INPP5A: variants seen among roughly 807,000 people sequenced by gnomAD.
The protein encoded by INPP5A is 43 kDa inositol polyphosphate 5-phophatase.
Under a neutral mutation model 65.2 loss-of-function variants are expected in INPP5A, and 14 were observed. That is an observed-to-expected ratio of 0.21 (90% confidence interval 0.14 to 0.34). The LOEUF (loss-of-function observed/expected upper bound fraction) is 0.34. Ranked by LOEUF, INPP5A falls within the 10% of genes least tolerant of loss-of-function variation. The pLI is 1.00. For missense variants in INPP5A, 431 were observed against 545.6 expected, an observed-to-expected ratio of 0.79 and a Z score of 2.09; for synonymous variants, 207 against 208.3, an observed-to-expected ratio of 0.99 and a Z score of 0.05.
In INPP5A at chr10:132,546,820, C is replaced by G. The variant is rs146999972; in HGVS notation, c.75+8649C>G. Among the ~76,000 whole-genome samples the G allele has an allele frequency of 1.2e-3, 185 of 152,338 alleles. 2 individuals carry two copies. In the East Asian group the frequency reaches 0.033, roughly 27 times the overall value. On this transcript the variant is annotated intron_variant, in intron 1 of 15. Coordinates refer to ENST00000368594, the MANE Select transcript of INPP5A (RefSeq NM_005539.5). This position sits in a 1 kb window ranked among gnomAD's most constrained non-coding sequence, Gnocchi z 5.7. ...CCTGGCCCTTCCCTCTCGTTTCTGC[C>G]TGGGCCTGCCTGGCTGGTCTTGCCT... is the stretch of plus-strand genomic sequence containing the variant.
intron 9 of INPP5A, among the ~76,000 whole-genome samples, chr10:132,745,923 C>T (rs969814615): frequency 3.9e-5 from 6 of 152,206 alleles, no homozygotes; most frequent in African/African-American, 7.2e-5. Flanking sequence ...GGAGAACAGG[C>T]GGGTGCGTGA....
At chr10:132,757,965 G>A (rs1248360808) in intron 11 of INPP5A, among the ~76,000 whole-genome samples, 6 of 146,418 alleles carry the variant, frequency 4.1e-5, no homozygotes, top group African/African-American at 1.0e-4. Context: ...GTGGGTGCCC[G>A]GCCGACCCCA....
intron 2 of INPP5A, among the ~76,000 whole-genome samples, chr10:132,608,840 G>A (rs778127573): frequency 6.6e-6 from 1 of 152,218 alleles, no homozygotes; most frequent in Non-Finnish European, 1.5e-5. Context: ...AGGCCAGAGT[G>A]GAGGCCCAGG....
chr10:132,736,564 T>C (rs1052809619), intron 9 of INPP5A, among the ~76,000 whole-genome samples: 2 of 152,172 alleles, frequency 1.3e-5, no homozygotes, highest in African/African-American at 4.8e-5. Flanking sequence ...CGGCTCTCAA[T>C]GGGCACCAGG....
chr10:132,576,879 C>T (rs1004334128), intron 1 of INPP5A, among the ~76,000 whole-genome samples: 2 of 152,146 alleles, frequency 1.3e-5, no homozygotes, highest in African/African-American at 2.4e-5. Context: ...GTGAGACTGA[C>T]GAGGGCCACC....
At chr10:132,569,018 C>T (rs112604712) in intron 1 of INPP5A, among the ~76,000 whole-genome samples, 1,843 of 150,248 alleles carry the variant, frequency 0.012, 26 homozygotes, top group Non-Finnish European at 0.021. Context: ...TGGATTCGAG[C>T]GATTCTCCTG....
intron 5 of INPP5A, among the ~76,000 whole-genome samples, chr10:132,694,778 A>G (rs1286424942): frequency 6.6e-6 from 1 of 152,222 alleles, no homozygotes; most frequent in Non-Finnish European, 1.5e-5. Flanking sequence ...CTGCCTATAA[A>G]TGTAATAACT....
chr10:132,736,584 A>G (rs537205697), intron 9 of INPP5A, among the ~76,000 whole-genome samples: 1 of 152,158 alleles, frequency 6.6e-6, no homozygotes, highest in Non-Finnish European at 1.5e-5. Context: ...GGAGGATACC[A>G]CCACTGCCCG....
intron 9 of INPP5A, among the ~76,000 whole-genome samples, chr10:132,740,343 A>C (rs1035816559): frequency 6.6e-6 from 1 of 152,184 alleles, no homozygotes; most frequent in Non-Finnish European, 1.5e-5. Context: ...CCGGACCCTC[A>C]GGCACGTTCA....
At chr10:132,721,735 C>G (rs948245924) in intron 8 of INPP5A, among the ~76,000 whole-genome samples, 2 of 143,362 alleles carry the variant, frequency 1.4e-5, no homozygotes, top group Admixed American at 6.7e-5. Flanking sequence ...AGACTGCTGT[C>G]TTCAGGGTTC....
intron 8 of INPP5A, among the ~76,000 whole-genome samples, chr10:132,714,298 C>T (rs558776313): frequency 6.6e-6 from 1 of 152,362 alleles, no homozygotes; most frequent in South Asian, 2.1e-4. Context: ...CCGCGCAACA[C>T]AAAGGGCGGC....
At position 132,603,231 on chromosome 10, in the gene INPP5A, G is replaced by A. The variant is rs988580396; in HGVS notation, c.76-4684G>A. Among the ~76,000 whole-genome samples, 1 of 152,134 alleles carries A rather than the reference G, an allele frequency of 6.6e-6. No homozygotes were observed. Among genetic ancestry groups the A allele is most frequent in the Non-Finnish European group, 1.5e-5 (1 of 68,026 alleles). ...TCTGGCATCTTGGTCTCTCATGTGG[G>A]TATTCTCTATTAGGGGCTGTATAGC... On this transcript the variant is annotated intron_variant, in intron 1 of 15. Transcript: ENST00000368594. The surrounding 1 kb of genome is among the most constrained non-coding windows in gnomAD (Gnocchi z 4.2).
At chr10:132,685,871 T>A (rs903923800) in intron 4 of INPP5A, among the ~76,000 whole-genome samples, 1 of 152,260 alleles carries the variant, frequency 6.6e-6, no homozygotes, top group African/African-American at 2.4e-5. Flanking sequence ...GAAATCAAGC[T>A]AAGTGACACG....
Position 132,547,416 on chromosome 10 carries a change from G to A in INPP5A, c.75+9245G>A, listed in dbSNP as rs565753448. On this transcript the variant is annotated intron_variant, in intron 1 of 15. Coordinates refer to ENST00000368594, the MANE Select transcript of INPP5A (RefSeq NM_005539.5). The surrounding 1 kb of genome is among the most constrained non-coding windows in gnomAD (Gnocchi z 5.5). ...TGGCCTTTGCTTCTGTCCGGGGCGCGTGGCCCAGGCTGAGCAGTGCACTCG... is the reference window on the plus strand; with the variant it reads ...TGGCCTTTGCTTCTGTCCGGGGCGCATGGCCCAGGCTGAGCAGTGCACTCG... Among the ~76,000 whole-genome samples the A allele has an allele frequency of 3.3e-5, 5 of 152,182 alleles. No individual in the cohort carries two copies. The highest frequency in any genetic ancestry group is 1.5e-5 in the Non-Finnish European group (1 of 68,020).
chr10:132,763,688 T>A (rs1846776193), intron 11 of INPP5A, among the ~76,000 whole-genome samples: 1 of 149,698 alleles, frequency 6.7e-6, no homozygotes, highest in Non-Finnish European at 1.5e-5. Flanking sequence ...CGTGCCTGCA[T>A]GCAAACACAC....
intron 13 of INPP5A, among the ~76,000 whole-genome samples, chr10:132,780,039 C>T (rs1017883539): frequency 2.5e-4 from 38 of 152,382 alleles, no homozygotes; most frequent in Admixed American, 5.9e-4. Context: ...GCTTCACCCG[C>T]GAGAGGCGGG....
rs1287283312 is a variant in INPP5A, at chr10:132,616,309, T to C, written c.117+8353T>C. Among the ~76,000 whole-genome samples, 1 of 152,044 alleles carries C rather than the reference T, an allele frequency of 6.6e-6. No homozygotes were observed. The highest frequency in any genetic ancestry group is 2.4e-5 in the African/African-American group (1 of 41,382). On this transcript the variant is annotated intron_variant, in intron 2 of 15. Coordinates refer to ENST00000368594, the MANE Select transcript of INPP5A (RefSeq NM_005539.5). This position sits in a 1 kb window ranked among gnomAD's most constrained non-coding sequence, Gnocchi z 4.9. ...GAGGACCACAGTGGCAGATGTGCAG[T>C]GTGGGGCATGTGGCGTGCAGGGACG... is the stretch of plus-strand genomic sequence containing the variant.
intron 4 of INPP5A, among the ~76,000 whole-genome samples, chr10:132,684,183 T>A (rs1250599860): frequency 1.3e-5 from 2 of 152,246 alleles, no homozygotes; most frequent in Non-Finnish European, 2.9e-5. Context: ...CTGTGTATTT[T>A]CCTTGCTGTA....
intron 12 of INPP5A, among the ~76,000 whole-genome samples, chr10:132,773,292 C>T (rs1291603750): frequency 6.6e-6 from 1 of 152,200 alleles, no homozygotes; most frequent in Admixed American, 6.5e-5. Flanking sequence ...CACTCCTTCC[C>T]AAAGAAAGAC....
Sources: allele counts gnomAD v4.1 joint callset (sites outside exome capture counted in the v4.1 genomes callset), GRCh38; gene constraint gnomAD v4.1.1; non-coding constraint Gnocchi (gnomAD v3.1); transcripts MANE v1.5; gene names NCBI Gene and HGNC (gene_info 2026-07-23, HGNC 2026-07-21).